Variants in PCGF3 observed in about 807,000 individuals in gnomAD.
PCGF3 encodes the protein polycomb group ring finger 3.
Under a neutral mutation model 33.1 loss-of-function variants are expected in PCGF3, and 7 were observed. That is an observed-to-expected ratio of 0.21 (90% CI 0.12 to 0.40). PCGF3 has a LOEUF of 0.40. PCGF3 is among the 10% of genes least tolerant of loss of function. The probability of loss-of-function intolerance (pLI) is 1.00; values close to 1 mark genes in which losing one functional copy is unlikely to be tolerated. For missense variants in PCGF3, 211 were observed against 313.3 expected, an observed-to-expected ratio of 0.67 and a Z score of 2.46; for synonymous variants, 153 against 121.3, an observed-to-expected ratio of 1.26 and a Z score of -1.72.
intron 9 of PCGF3, 77 bp downstream of exon 9, chr4:761,493 AGTTTT>A (rs577921916): frequency 1.2e-3 from 1,714 of 1,459,230 alleles, no homozygotes; most frequent in Non-Finnish European, 1.5e-3. Context: ...TTCTTTGCTT[AGTTTT>A]GTTTTGTTTT....
intron 9 of PCGF3, among the ~76,000 whole-genome samples, chr4:763,935 C>G (rs1560221054): frequency 6.6e-6 from 1 of 152,204 alleles, no homozygotes; most frequent in Non-Finnish European, 1.5e-5. Context: ...GTCCCTGTTA[C>G]TAAGTAGAGA....
chr4:751,194 C>G (rs1744495790), intron 8 of PCGF3, among the ~76,000 whole-genome samples: 1 of 152,120 alleles, frequency 6.6e-6, no homozygotes, highest in African/African-American at 2.4e-5. Flanking sequence ...GTGGGATTAT[C>G]CGCGTCTATA....
In PCGF3 at chr4:721,147, A is replaced by G. The variant is rs12510790; in HGVS notation, c.-189-9483A>G. On this transcript the variant is annotated intron_variant, in intron 1 of 10. Transcript: ENST00000362003. This position sits in a 1 kb window ranked among gnomAD's most constrained non-coding sequence, Gnocchi z 4.1. ...TCGGGCGGTGGTGACGATTTCATGG[A>G]TGTTTGTGAAACCAACCTCACTGCC... is the stretch of plus-strand genomic sequence containing the variant. Among the ~76,000 whole-genome samples, 106,577 of 151,872 alleles carry G rather than the reference A, an allele frequency of 0.7. 38,242 individuals carry two copies. The highest frequency in any genetic ancestry group is 0.84 in the African/African-American group (34,756 of 41,442).
chr4:712,550 G>T (rs1742618104), intron 1 of PCGF3, among the ~76,000 whole-genome samples: 1 of 152,220 alleles, frequency 6.6e-6, no homozygotes. Context: ...TGGTTCAAGT[G>T]ATTCTCCTGC....
intron 1 of PCGF3, among the ~76,000 whole-genome samples, chr4:728,821 C>T (rs949513468): frequency 2.0e-5 from 3 of 152,030 alleles, no homozygotes; most frequent in Non-Finnish European, 2.9e-5. Context: ...TTCGGTTGGC[C>T]GGGTGTGGTG....
At chr4:734,515 G>T in intron 4 of PCGF3, 1 of 1,202,398 alleles carries the variant, frequency 8.3e-7, no homozygotes, top group Non-Finnish European at 1.0e-6. Context: ...TTTAGATATT[G>T]GTTAGCATAT....
exon 11 of PCGF3, chr4:769,886 C>T (rs765875009): frequency 2.0e-5 from 3 of 152,592 alleles, no homozygotes; most frequent in Non-Finnish European, 4.4e-5. Flanking sequence ...CACGAAGATA[C>T]ATGTGTTTGA....
At chr4:755,258 T>C (rs1007883747) in intron 8 of PCGF3, among the ~76,000 whole-genome samples, 2 of 152,222 alleles carry the variant, frequency 1.3e-5, no homozygotes, top group Non-Finnish European at 2.9e-5. Flanking sequence ...TCTAAGACAT[T>C]GCACTTGTCC....
intron 3 of PCGF3, 111 bp from the exon 4 acceptor site, chr4:733,561 C>T: frequency 9.0e-7 from 1 of 1,113,500 alleles, no homozygotes; most frequent in Admixed American, 2.7e-5. Context: ...CTCCTGCCAC[C>T]CAGGCCTCAG....
At chr4:710,665 G>A (rs1439056445) in intron 1 of PCGF3, among the ~76,000 whole-genome samples, 4 of 152,200 alleles carry the variant, frequency 2.6e-5, no homozygotes, top group African/African-American at 7.2e-5. Context: ...TTTGTGATAC[G>A]TAAAAGAAGA....
intron 4 of PCGF3, chr4:734,581 C>A: frequency 8.6e-7 from 1 of 1,163,158 alleles, no homozygotes; most frequent in Non-Finnish European, 1.1e-6. Context: ...AAGATACTGT[C>A]ATCTTTTAGG....
At chr4:708,718 C>T (rs1742439792) in intron 1 of PCGF3, among the ~76,000 whole-genome samples, 1 of 152,186 alleles carries the variant, frequency 6.6e-6, no homozygotes, top group African/African-American at 2.4e-5. Context: ...TCCCCATCTT[C>T]AAGGTCATGT....
At chr4:749,909 C>T (rs1744439162) in intron 8 of PCGF3, among the ~76,000 whole-genome samples, 1 of 152,246 alleles carries the variant, frequency 6.6e-6, no homozygotes, top group African/African-American at 2.4e-5. Context: ...CCTCTGCCTC[C>T]TGGGCTCCTG....
At position 711,558 on chromosome 4, in the gene PCGF3, C is replaced by T. The variant is rs1386678138; in HGVS notation, c.-190+5588C>T. ...CTGCAAGCTCCGCTTCCCGGGTTCACGCCATTCTCCTGCCTCAGCCTCCCG... is the reference window on the plus strand; with the variant it reads ...CTGCAAGCTCCGCTTCCCGGGTTCATGCCATTCTCCTGCCTCAGCCTCCCG... On this transcript the variant is annotated intron_variant, in intron 1 of 10. Transcript: ENST00000362003. 4.1e-5 allele frequency among the ~76,000 whole-genome samples: 6 copies of T among 145,604 alleles called. No individual in the cohort carries two copies. In the East Asian group the frequency reaches 1.0e-3, roughly 25 times the overall value.
At chr4:752,430 T>A (rs1200954473) in intron 8 of PCGF3, among the ~76,000 whole-genome samples, 1 of 152,220 alleles carries the variant, frequency 6.6e-6, no homozygotes, top group Non-Finnish European at 1.5e-5. Context: ...GGAGCCTGAC[T>A]TCTTTGGGAG....
At chr4:769,826 C>T (rs1745547567) in exon 11 of PCGF3, 1 of 152,692 alleles carries the variant, frequency 6.5e-6, no homozygotes, top group Non-Finnish European at 1.5e-5. Flanking sequence ...GCCACCCAGC[C>T]TTTACCAGCA....
At chr4:743,337 A>G in intron 6 of PCGF3, 137 bp from the exon 7 acceptor site, 1 of 615,086 alleles carries the variant, frequency 1.6e-6, no homozygotes, top group South Asian at 1.9e-5. Context: ...TCTCAGTCTT[A>G]ATTTGCTGCT....
At chr4:709,818 G>A (rs4690186) in intron 1 of PCGF3, among the ~76,000 whole-genome samples, 37,875 of 152,184 alleles carry the variant, frequency 0.25, 5,187 homozygotes, top group South Asian at 0.36. Flanking sequence ...TGTCAGCCAC[G>A]TCGTGTCCCT....
intron 9 of PCGF3, among the ~76,000 whole-genome samples, chr4:763,451 C>T (rs1745181995): frequency 6.6e-6 from 1 of 152,194 alleles, no homozygotes; most frequent in Non-Finnish European, 1.5e-5. Flanking sequence ...GGTGGGGCTG[C>T]TTCAATTCAT....
Sources: gnomAD v4.1 joint callset for allele counts (sites outside exome capture counted in the v4.1 genomes callset) on GRCh38, gnomAD v4.1.1 for gene constraint, Gnocchi (gnomAD v3.1) non-coding constraint, MANE v1.5 for transcripts, NCBI Gene and HGNC (gene_info 2026-07-23, HGNC 2026-07-21) for gene names.